The following LSP1 variants were observed in gnomAD, a reference collection of about 807,000 sequenced individuals.
LSP1 encodes the protein lymphocyte-specific protein 1.
A neutral mutation model predicts 49.3 loss-of-function variants in LSP1; 32 were observed. The observed-to-expected ratio is 0.65, with a 90% CI of 0.49 to 0.87. The LOEUF is 0.87. LSP1 is among the 40% of genes least tolerant of loss of function. LSP1 has a pLI of 0.00. For synonymous variants in LSP1, 179 were observed against 178.8 expected, an observed-to-expected ratio of 1.00 and a Z score of -0.01; for missense variants, 428 against 442.6, an observed-to-expected ratio of 0.97 and a Z score of 0.30.
At chr11:1,869,591 G>C (rs76085728) in intron 1 of LSP1, 4 of 467,610 alleles carry the variant, frequency 8.6e-6, no homozygotes, top group African/African-American at 6.0e-5. Flanking sequence ...TCTCTCCCAC[G>C]TGGGCCGCAC....
At chr11:1,857,635 C>A (rs1205589295) in intron 1 of LSP1, among the ~76,000 whole-genome samples, 1 of 152,216 alleles carries the variant, frequency 6.6e-6, no homozygotes, top group Non-Finnish European at 1.5e-5. Context: ...CTGCTATAGG[C>A]CCTCGGAGTG....
At chr11:1,885,629 T>C (rs1316149494) in intron 7 of LSP1, among the ~76,000 whole-genome samples, 1 of 151,814 alleles carries the variant, frequency 6.6e-6, no homozygotes, top group Non-Finnish European at 1.5e-5. Context: ...AATACTTCTT[T>C]ATCTAATCAG....
chr11:1,864,275 G>A (rs1404416567), intron 1 of LSP1: 7 of 985,422 alleles, frequency 7.1e-6, no homozygotes, highest in African/African-American at 1.7e-5. Flanking sequence ...GGACAAGAAC[G>A]GCCGACGAAG....
At chr11:1,867,592 G>GTCCCTCC in intron 1 of LSP1, among the ~76,000 whole-genome samples, 1 of 152,112 alleles carries the variant, frequency 6.6e-6, no homozygotes, top group Admixed American at 6.5e-5. Flanking sequence ...GGGTCCCTGG[G>GTCCCTCC]TCCCTCCTCC....
intron 1 of LSP1, chr11:1,865,268 T>C: frequency 1.0e-6 from 1 of 983,154 alleles, no homozygotes; most frequent in Non-Finnish European, 1.2e-6. Context: ...TTGAGGTAGG[T>C]CCCTCCTGCC....
intron 1 of LSP1, chr11:1,870,230 G>A: frequency 2.3e-6 from 3 of 1,278,614 alleles, no homozygotes; most frequent in Non-Finnish European, 3.1e-6. Flanking sequence ...ACGGCCCACT[G>A]AAGCTGGTCC....
chr11:1,868,978 T>C, intron 1 of LSP1: 1 of 986,190 alleles, frequency 1.0e-6, no homozygotes, highest in South Asian at 4.7e-5. Flanking sequence ...TCAGAGCGGC[T>C]TGGCAGAGGT....
At chr11:1,864,648 G>C (rs1160295821) in intron 1 of LSP1, among the ~76,000 whole-genome samples, 2 of 151,940 alleles carry the variant, frequency 1.3e-5, no homozygotes, top group African/African-American at 2.4e-5. Flanking sequence ...GGAGAAGGGG[G>C]CTGGGGGAAA....
intron 1 of LSP1, among the ~76,000 whole-genome samples, chr11:1,853,766 G>A (rs1019330674): frequency 2.0e-5 from 3 of 152,226 alleles, no homozygotes; most frequent in Non-Finnish European, 4.4e-5. Flanking sequence ...TCTGGCAGGT[G>A]CCTGTGCTGG....
chr11:1,875,015 G>C (rs1021851105), intron 1 of LSP1, among the ~76,000 whole-genome samples: 7 of 152,166 alleles, frequency 4.6e-5, no homozygotes, highest in Non-Finnish European at 1.0e-4. Context: ...CTGTGTGATG[G>C]GGTGGGGCCC....
chr11:1,867,593 T>C (rs1324082407), intron 1 of LSP1, among the ~76,000 whole-genome samples: 5 of 151,744 alleles, frequency 3.3e-5, no homozygotes, highest in Non-Finnish European at 1.5e-5. Context: ...GGTCCCTGGG[T>C]CCCTCCTCCA....
At chr11:1,866,980 C>A (rs913371544) in intron 1 of LSP1, 1 of 1,402,442 alleles carries the variant, frequency 7.1e-7, no homozygotes, top group Non-Finnish European at 9.4e-7. Flanking sequence ...CCCTGTGGAC[C>A]TGGGGAGGAG....
chr11:1,874,693 G>A (rs1240690096), intron 1 of LSP1, among the ~76,000 whole-genome samples: 1 of 152,154 alleles, frequency 6.6e-6, no homozygotes, highest in African/African-American at 2.4e-5. Context: ...CCCTCCGGCA[G>A]CCCCCAGGCC....
chr11:1,891,651 G>T, intron 10 of LSP1, 122 bp from the exon 11 acceptor site: 1 of 154,304 alleles, frequency 6.5e-6, no homozygotes. Flanking sequence ...GGTGTGGGCA[G>T]GGCAGGGAGG....
At chr11:1,889,422 G>A in intron 10 of LSP1, 1 of 673,602 alleles carries the variant, frequency 1.5e-6, no homozygotes, top group Non-Finnish European at 2.8e-6. Flanking sequence ...CCGGGGTGCG[G>A]TGAGGGCGGG....
intron 1 of LSP1, among the ~76,000 whole-genome samples, chr11:1,878,379 C>A (rs1330900166): frequency 1.3e-5 from 2 of 152,224 alleles, no homozygotes; most frequent in Non-Finnish European, 2.9e-5. Flanking sequence ...GCCTCATCTG[C>A]CCGGATGATG....
chr11:1,868,456 G>T (rs770922901), intron 1 of LSP1, among the ~76,000 whole-genome samples: 4 of 152,220 alleles, frequency 2.6e-5, no homozygotes, highest in Non-Finnish European at 5.9e-5. Flanking sequence ...GGGCTCTAAG[G>T]CCCCTCAGGC....
At chr11:1,856,944 G>C (rs1010378122) in intron 1 of LSP1, among the ~76,000 whole-genome samples, 1 of 152,230 alleles carries the variant, frequency 6.6e-6, no homozygotes, top group Admixed American at 6.5e-5. Flanking sequence ...TAGCCCCACA[G>C]GGGCTGCTGA....
chr11:1,889,688 CA>C, intron 10 of LSP1: 1 of 636,290 alleles, frequency 1.6e-6, no homozygotes, highest in Non-Finnish European at 2.9e-6. Context: ...CGGGGCCAGC[CA>C]TCGGGGGCTC....
Sources: allele counts gnomAD v4.1 joint callset (sites outside exome capture counted in the v4.1 genomes callset), GRCh38; gene constraint gnomAD v4.1.1; transcripts MANE v1.5; gene names NCBI Gene and HGNC (gene_info 2026-07-23, HGNC 2026-07-21).